The following FGGY variants were observed in gnomAD, a reference collection of about 807,000 sequenced individuals.
FGGY encodes FGGY carbohydrate kinase domain-containing protein.
A neutral mutation model predicts 71.3 loss-of-function variants in FGGY; 72 were observed. That is an observed-to-expected ratio of 1.01 (90% CI 0.84 to 1.23). The LOEUF is 1.23. Among genes scored for constraint, FGGY ranks in the 50% most tolerant of loss-of-function variants. The probability of loss-of-function intolerance (pLI) is 0.00; values close to 1 mark genes in which losing one functional copy is unlikely to be tolerated. For missense variants in FGGY, 668 were observed against 682.3 expected (o/e 0.98, Z 0.23); for synonymous variants, 251 against 250.3 (o/e 1.00, Z -0.02).
intron 14 of FGGY, among the ~76,000 whole-genome samples, chr1:59,711,823 C>T (rs567270725): frequency 6.6e-5 from 10 of 152,176 alleles, no homozygotes; most frequent in African/African-American, 2.4e-4. Flanking sequence ...GTCCCTCCCA[C>T]AGCATGGGGG....
rs1330884001 is a variant in FGGY at position 59,456,935 on chromosome 1, T to C, written c.555-26T>C. 1.9e-6 allele frequency: 3 copies of C among 1,547,108 alleles called. No individual in the cohort carries two copies. The African/African-American group carries it at 4.1e-5, about 21-fold the overall frequency. On this transcript the variant is annotated intron_variant, in intron 5 of 15. Coordinates refer to ENST00000303721, the MANE Select transcript of FGGY (RefSeq NM_018291.5). ...GAAGCCTCACTCATATGGTCAGTTCTATCTATATCTCTTCTATTTTCTTAG... is the reference window on the plus strand; with the variant it reads ...GAAGCCTCACTCATATGGTCAGTTCCATCTATATCTCTTCTATTTTCTTAG...
At chr1:59,706,307 A>T (rs191135511) in intron 14 of FGGY, among the ~76,000 whole-genome samples, 401 of 152,158 alleles carry the variant, frequency 2.6e-3, no homozygotes, top group Non-Finnish European at 4.5e-3. Flanking sequence ...GCCACTCTTT[A>T]CTTGTGAGGC....
intron 14 of FGGY, among the ~76,000 whole-genome samples, chr1:59,705,156 C>T (rs949528510): frequency 1.3e-5 from 2 of 152,096 alleles, no homozygotes; most frequent in Non-Finnish European, 2.9e-5. Context: ...CTCTACATAC[C>T]AATTCTTTAT....
intron 14 of FGGY, among the ~76,000 whole-genome samples, chr1:59,717,808 T>A (rs555611579): frequency 2.0e-5 from 3 of 152,360 alleles, no homozygotes; most frequent in Admixed American, 6.5e-5. Flanking sequence ...ATATTGTGTC[T>A]TCCCATCAAT....
rs1373890260 is a variant in FGGY at position 59,590,581 on chromosome 1, T to G, written c.904-17222T>G. Among the ~76,000 whole-genome samples, 29 of 152,238 alleles carry G rather than the reference T, an allele frequency of 1.9e-4. 1 individual carries two copies. Among genetic ancestry groups the G allele is most frequent in the Non-Finnish European group, 2.9e-5 (2 of 68,012 alleles). ...CGAATCCAGCAGCACATCAAAAAGCTTATCCACCATGATCAAGTGGGCTTC... is the reference window on the plus strand; with the variant it reads ...CGAATCCAGCAGCACATCAAAAAGCGTATCCACCATGATCAAGTGGGCTTC... On this transcript the variant is annotated intron_variant, in intron 8 of 15. Transcript: ENST00000303721.
intron 2 of FGGY, among the ~76,000 whole-genome samples, chr1:59,323,905 G>A (rs561880273): frequency 1.3e-5 from 2 of 152,296 alleles, no homozygotes; most frequent in African/African-American, 4.8e-5. Context: ...AAAAGTCAAA[G>A]TCTACGGCGG....
chr1:59,537,093 A>T (rs1217255373), intron 7 of FGGY, among the ~76,000 whole-genome samples: 1 of 151,242 alleles, frequency 6.6e-6, no homozygotes, highest in African/African-American at 2.4e-5. Context: ...TATATCTAGA[A>T]AACCCCATTG....
At chr1:59,557,128 G>C (rs575218806) in intron 8 of FGGY, among the ~76,000 whole-genome samples, 167 of 152,264 alleles carry the variant, frequency 1.1e-3, no homozygotes, top group African/African-American at 3.8e-3. Context: ...TCTAGGAGAG[G>C]TGCAGGTCTG....
intron 14 of FGGY, among the ~76,000 whole-genome samples, chr1:59,743,666 C>G (rs2098169213): frequency 6.6e-6 from 1 of 151,590 alleles, no homozygotes; most frequent in Admixed American, 6.6e-5. Context: ...AGGAAGCAGA[C>G]TGGATTCCCT....
chr1:59,324,527 C>T (rs902802325), intron 2 of FGGY, among the ~76,000 whole-genome samples: 12 of 151,876 alleles, frequency 7.9e-5, no homozygotes, highest in Admixed American at 1.3e-4. Flanking sequence ...CCGCCCGCCT[C>T]GGCCTCCCAA....
At chr1:59,634,123 T>G (rs1464582287) in intron 10 of FGGY, among the ~76,000 whole-genome samples, 2 of 152,168 alleles carry the variant, frequency 1.3e-5, no homozygotes, top group Admixed American at 6.5e-5. Flanking sequence ...AGTAAGGAAC[T>G]AGGCCGGTTG....
chr1:59,729,421 G>C (rs2097995750), intron 14 of FGGY, among the ~76,000 whole-genome samples: 1 of 152,096 alleles, frequency 6.6e-6, no homozygotes, highest in African/African-American at 2.4e-5. Flanking sequence ...CTTTTAGCAT[G>C]CCTTTTAATA....
chr1:59,327,147 C>A (rs1465726996), intron 2 of FGGY, among the ~76,000 whole-genome samples: 1 of 152,082 alleles, frequency 6.6e-6, no homozygotes, highest in Non-Finnish European at 1.5e-5. Flanking sequence ...GTAAGGTTTG[C>A]TGCACTGATT....
chr1:59,653,121 C>T lies in FGGY; in HGVS notation c.1222-7098C>T, dbSNP rs889121688. On this transcript the variant is annotated intron_variant, in intron 11 of 15. Coordinates refer to ENST00000303721, the MANE Select transcript of FGGY (RefSeq NM_018291.5). ...GGCAGTCTGCGGGTTCTCAGATCTCCAGCTGCGTGCTGGGAGAACCACTGC... is the reference window on the plus strand; with the variant it reads ...GGCAGTCTGCGGGTTCTCAGATCTCTAGCTGCGTGCTGGGAGAACCACTGC... 3.9e-5 allele frequency among the ~76,000 whole-genome samples: 6 copies of T among 152,326 alleles called. No homozygotes were observed. The East Asian group carries it at 1.2e-3, about 29-fold the overall frequency.
chr1:59,549,798 T>C (rs1480251943), intron 7 of FGGY, among the ~76,000 whole-genome samples: 1 of 152,192 alleles, frequency 6.6e-6, no homozygotes, highest in Non-Finnish European at 1.5e-5. Flanking sequence ...ATAAATATAG[T>C]AGGGACTCAA....
At chr1:59,418,020 A>G (rs1429775495) in intron 5 of FGGY, among the ~76,000 whole-genome samples, 1 of 152,174 alleles carries the variant, frequency 6.6e-6, no homozygotes, top group Admixed American at 6.5e-5. Context: ...TTGATCACTT[A>G]TAGCTGGGCA....
intron 8 of FGGY, among the ~76,000 whole-genome samples, chr1:59,587,359 G>T (rs2096320683): frequency 6.6e-6 from 1 of 152,072 alleles, no homozygotes; most frequent in African/African-American, 2.4e-5. Context: ...CTCCACCTCT[G>T]GGGGCAGGGA....
chr1:59,516,442 T>G (rs2153637965), intron 7 of FGGY, among the ~76,000 whole-genome samples: 1 of 152,304 alleles, frequency 6.6e-6, no homozygotes, highest in South Asian at 2.1e-4. Context: ...ATAGTATAGG[T>G]TTGGGACAGC....
chr1:59,334,526 A>G (rs1322563431), intron 2 of FGGY, among the ~76,000 whole-genome samples: 2 of 152,214 alleles, frequency 1.3e-5, no homozygotes, highest in East Asian at 1.9e-4. Context: ...TATGTCAAAC[A>G]TATGGCACAT....
Sources: gnomAD v4.1 joint callset for allele counts (sites outside exome capture counted in the v4.1 genomes callset) on GRCh38, gnomAD v4.1.1 for gene constraint, MANE v1.5 for transcripts, NCBI Gene and HGNC (gene_info 2026-07-23, HGNC 2026-07-21) for gene names.